CD1B: variants seen among roughly 807,000 people sequenced by gnomAD.
CD1B encodes T-cell surface glycoprotein CD1b.
CD1B carries 43 observed loss-of-function variants against 39.8 expected under a neutral mutation model. That is an observed-to-expected ratio of 1.08 (90% confidence interval 0.85 to 1.39). The LOEUF (loss-of-function observed/expected upper bound fraction) is 1.39. Among genes scored for constraint, CD1B ranks in the 40% most tolerant of loss-of-function variants. CD1B has a pLI of 0.00. For missense variants in CD1B, 495 were observed against 403.8 expected, an observed-to-expected ratio of 1.23 and a Z score of -1.94; for synonymous variants, 192 against 152.5, an observed-to-expected ratio of 1.26 and a Z score of -1.91.
the CD1B span, among the ~76,000 whole-genome samples, chr1:158,320,707 T>A: frequency 3.3e-5 from 5 of 152,086 alleles, no homozygotes; most frequent in African/African-American, 4.8e-5. Context: ...TTGTGTGTTG[T>A]GTTCCCATTT....
downstream of CD1B, among the ~76,000 whole-genome samples, chr1:158,324,045 G>A (rs1199084420): frequency 6.6e-6 from 1 of 152,220 alleles, no homozygotes; most frequent in Non-Finnish European, 1.5e-5. Flanking sequence ...AGCTGAGTGG[G>A]TCTGGAGCCA....
the CD1B span, among the ~76,000 whole-genome samples, chr1:158,296,281 T>C: frequency 6.6e-6 from 1 of 151,942 alleles, no homozygotes; most frequent in Admixed American, 6.6e-5. Flanking sequence ...AACAAGGTTC[T>C]GGGCCTGGTC....
In CD1B at chr1:158,329,565, G is replaced by C. The variant is rs754675259; in HGVS notation, c.691C>G (p.Pro231Ala). 1.2e-6 allele frequency: 2 copies of C among 1,614,070 alleles called. No homozygotes were observed. Among genetic ancestry groups the C allele is most frequent in the African/African-American group, 1.3e-5 (1 of 75,014 alleles). The change falls in exon 4 of 6, where the codon CCA becomes GCA. Residue 231 changes from proline (P) to alanine (A), a missense_variant. Coordinates refer to ENST00000368168, the MANE Select transcript of CD1B (RefSeq NM_001764.3). ...ATCCACATCACCCACACGGGCTTTG[G>C]GTAGAATCCTGAGACATGGCACACA... ...QLVCHVSGFY[P>A]KPVWVMWMRG... is the part of the protein sequence containing the mutation.
At chr1:158,285,519 G>A in the CD1B span, among the ~76,000 whole-genome samples, 2 of 152,052 alleles carry the variant, frequency 1.3e-5, no homozygotes, top group African/African-American at 2.4e-5. Context: ...TTCAAACAAA[G>A]GATAAGTAGA....
the CD1B span, among the ~76,000 whole-genome samples, chr1:158,294,447 G>T: frequency 2.0e-5 from 3 of 152,214 alleles, no homozygotes; most frequent in South Asian, 6.2e-4. Flanking sequence ...TGCAATGTTT[G>T]CTTCCTCAAT....
chr1:158,296,075 G>T, the CD1B span, among the ~76,000 whole-genome samples: 1 of 152,086 alleles, frequency 6.6e-6, no homozygotes, highest in Non-Finnish European at 1.5e-5. Flanking sequence ...ATGTGAGTGA[G>T]TGTGGACCCC....
At chr1:158,320,330 T>G in the CD1B span, among the ~76,000 whole-genome samples, 2 of 152,216 alleles carry the variant, frequency 1.3e-5, no homozygotes, top group Non-Finnish European at 2.9e-5. Context: ...CGTAGGACCC[T>G]CCGAAGCAGG....
the CD1B span, among the ~76,000 whole-genome samples, chr1:158,321,977 C>A: frequency 3.3e-5 from 5 of 152,082 alleles, no homozygotes; most frequent in Admixed American, 3.3e-4. Context: ...CCATGTATAA[C>A]AAGTTATTTT....
chr1:158,319,558 A>G, the CD1B span, among the ~76,000 whole-genome samples: 3 of 152,110 alleles, frequency 2.0e-5, no homozygotes, highest in African/African-American at 4.8e-5. Flanking sequence ...CTAGTTATAC[A>G]TTCTTCTAAA....
chr1:158,309,561 GC>G, the CD1B span, among the ~76,000 whole-genome samples: 1 of 152,100 alleles, frequency 6.6e-6, no homozygotes, highest in Admixed American at 6.6e-5. Context: ...ATTCACAATA[GC>G]AAAGACTTGG....
chr1:158,304,184 T>C, the CD1B span, among the ~76,000 whole-genome samples: 3 of 152,120 alleles, frequency 2.0e-5, no homozygotes, highest in Non-Finnish European at 4.4e-5. Context: ...GGAATTCCTT[T>C]TCCTAATCAA....
At chr1:158,291,212 C>T in the CD1B span, 3 of 1,613,928 alleles carry the variant, frequency 1.9e-6, no homozygotes, top group Non-Finnish European at 2.5e-6. Flanking sequence ...GGTCAGGGCT[C>T]AGGATGGCTG....
the CD1B span, among the ~76,000 whole-genome samples, chr1:158,321,683 G>A: frequency 1.3e-5 from 2 of 151,988 alleles, no homozygotes; most frequent in African/African-American, 4.8e-5. Context: ...TCTATTATAG[G>A]TTTTTACTTT....
the CD1B span, among the ~76,000 whole-genome samples, chr1:158,286,518 G>A: frequency 6.6e-6 from 1 of 152,340 alleles, no homozygotes; most frequent in African/African-American, 2.4e-5. Context: ...GACATTCTAA[G>A]GATCACGTTT....
At chr1:158,296,774 A>G in the CD1B span, among the ~76,000 whole-genome samples, 1 of 152,238 alleles carries the variant, frequency 6.6e-6, no homozygotes, top group Non-Finnish European at 1.5e-5. Context: ...TGACAGAGCT[A>G]AAAAATTCAC....
At chr1:158,292,767 C>A in the CD1B span, 1 of 1,614,082 alleles carries the variant, frequency 6.2e-7, no homozygotes, top group Admixed American at 1.7e-5. Context: ...GCTGATGGGA[C>A]ATGGTATCTT....
downstream of CD1B, among the ~76,000 whole-genome samples, chr1:158,323,410 G>A (rs1409466645): frequency 6.6e-6 from 1 of 151,926 alleles, no homozygotes; most frequent in Non-Finnish European, 1.5e-5. Flanking sequence ...GTGTTTTACT[G>A]AAATTCACTA....
At chr1:158,292,651 G>T in the CD1B span, 1 of 1,613,564 alleles carries the variant, frequency 6.2e-7, no homozygotes, top group Non-Finnish European at 8.5e-7. Flanking sequence ...GCCAGCTGTT[G>T]CTGGTTTGTC....
chr1:158,317,762 C>G, the CD1B span, among the ~76,000 whole-genome samples: 1 of 152,132 alleles, frequency 6.6e-6, no homozygotes. Flanking sequence ...GTTAGGATGT[C>G]AATTTTGGAT....
Sources: gnomAD v4.1 joint callset for allele counts (sites outside exome capture counted in the v4.1 genomes callset) on GRCh38, gnomAD v4.1.1 for gene constraint, MANE v1.5 for transcripts, NCBI Gene and HGNC (gene_info 2026-07-23, HGNC 2026-07-21) for gene names.